BTBD9: variants seen among roughly 807,000 people sequenced by gnomAD.
BTBD9 encodes BTB/POZ domain-containing protein 9.
Under a neutral mutation model 64.3 loss-of-function variants are expected in BTBD9, and 49 were observed. The observed-to-expected ratio is 0.76, with a 90% CI of 0.61 to 0.97. The LOEUF (loss-of-function observed/expected upper bound fraction) is 0.97. Among genes scored for constraint, BTBD9 ranks in the 50% least tolerant of loss-of-function variants. The pLI is 0.00. For missense variants in BTBD9, 598 were observed against 762.1 expected, an observed-to-expected ratio of 0.78 and a Z score of 2.53; for synonymous variants, 260 against 274.7, an observed-to-expected ratio of 0.95 and a Z score of 0.53.
chr6:38,366,980 A>G (rs1317597723), intron 6 of BTBD9, among the ~76,000 whole-genome samples: 3 of 152,264 alleles, frequency 2.0e-5, no homozygotes, highest in African/African-American at 7.2e-5. Flanking sequence ...TTTAGTAATA[A>G]GACTTCAAGG....
intron 6 of BTBD9, among the ~76,000 whole-genome samples, chr6:38,515,470 A>G (rs1417704532): frequency 6.6e-6 from 1 of 152,176 alleles, no homozygotes; most frequent in East Asian, 1.9e-4. Context: ...CCAGTAAACT[A>G]ACACTATTTT....
chr6:38,244,490 C>T (rs1764113419), intron 9 of BTBD9, among the ~76,000 whole-genome samples: 1 of 151,654 alleles, frequency 6.6e-6, no homozygotes, highest in African/African-American at 2.4e-5. Context: ...TTTTTTTTAA[C>T]CTTTTACTCT....
intron 3 of BTBD9, 128 bp from the exon 4 acceptor site, chr6:38,592,968 G>T: frequency 1.1e-6 from 1 of 923,302 alleles, no homozygotes; most frequent in Non-Finnish European, 1.6e-6. Context: ...CTTCCCTTAT[G>T]CTTTGTGCCA....
chr6:38,460,559 A>G (rs899697687), intron 6 of BTBD9, among the ~76,000 whole-genome samples: 3 of 152,210 alleles, frequency 2.0e-5, no homozygotes, highest in Non-Finnish European at 4.4e-5. Flanking sequence ...TTCACATACC[A>G]TATAGACACT....
chr6:38,179,384 C>T (rs778485824), intron 10 of BTBD9: 76 of 454,984 alleles, frequency 1.7e-4, no homozygotes, highest in South Asian at 1.0e-3. Context: ...TAAAGGAGAG[C>T]GCCCACAATG....
intron 6 of BTBD9, among the ~76,000 whole-genome samples, chr6:38,533,750 C>CAAACACATGCAAATT (rs1773896661): frequency 6.6e-6 from 1 of 152,078 alleles, no homozygotes; most frequent in Non-Finnish European, 1.5e-5. Flanking sequence ...GAAAACTACA[C>CAAACACATGCAAATT]AAACACATGC....
intron 9 of BTBD9, among the ~76,000 whole-genome samples, chr6:38,206,035 A>T (rs937248467): frequency 3.3e-5 from 5 of 152,060 alleles, no homozygotes; most frequent in Non-Finnish European, 5.9e-5. Context: ...ACTAGTCCAG[A>T]CTGCAGAGGG....
intron 4 of BTBD9, among the ~76,000 whole-genome samples, chr6:38,586,051 A>C (rs191855066): frequency 1.6e-4 from 25 of 152,262 alleles, no homozygotes; most frequent in African/African-American, 5.5e-4. Context: ...TTCAATAAAG[A>C]TATCTTGAGG....
intron 6 of BTBD9, among the ~76,000 whole-genome samples, chr6:38,495,246 A>G (rs568123571): frequency 1.3e-5 from 2 of 152,320 alleles, no homozygotes; most frequent in Admixed American, 1.3e-4. Flanking sequence ...AATTGTTCCC[A>G]TCTCATGGGA....
At chr6:38,188,823 G>A (rs1054948390) in intron 10 of BTBD9, among the ~76,000 whole-genome samples, 3 of 152,140 alleles carry the variant, frequency 2.0e-5, no homozygotes, top group Admixed American at 6.5e-5. Flanking sequence ...GAGACTGAGC[G>A]CTCATGCCTG....
At chr6:38,403,302 T>C (rs150556787) in intron 6 of BTBD9, among the ~76,000 whole-genome samples, 2 of 152,212 alleles carry the variant, frequency 1.3e-5, no homozygotes, top group Non-Finnish European at 2.9e-5. Context: ...AAATCATATA[T>C]CTGATAGGGT....
At chr6:38,290,670 T>C (rs553412406) in intron 7 of BTBD9, among the ~76,000 whole-genome samples, 1 of 151,918 alleles carries the variant, frequency 6.6e-6, no homozygotes, top group Non-Finnish European at 1.5e-5. Flanking sequence ...GGGAAGAGAG[T>C]AAGCTGGGCA....
At chr6:38,362,265 G>C (rs1764991277) in intron 6 of BTBD9, among the ~76,000 whole-genome samples, 1 of 152,162 alleles carries the variant, frequency 6.6e-6, no homozygotes, top group African/African-American at 2.4e-5. Flanking sequence ...TTCTATTATG[G>C]TGTGTCTCAC....
chr6:38,303,866 TATATATATAC>T (rs199900352), intron 7 of BTBD9, among the ~76,000 whole-genome samples: 2,976 of 121,068 alleles, frequency 0.025, 90 homozygotes, highest in African/African-American at 0.09. Context: ...TATATATATA[TATATATATAC>T]ACACACACAC....
intron 6 of BTBD9, among the ~76,000 whole-genome samples, chr6:38,387,910 T>G (rs1199753594): frequency 1.3e-5 from 2 of 152,162 alleles, no homozygotes; most frequent in Non-Finnish European, 2.9e-5. Flanking sequence ...CCCGCTTCAT[T>G]AGCATTCTAT....
At chr6:38,201,731 G>T (rs1437910910) in intron 9 of BTBD9, among the ~76,000 whole-genome samples, 2 of 152,210 alleles carry the variant, frequency 1.3e-5, no homozygotes, top group Admixed American at 1.3e-4. Context: ...TTGATAAGCA[G>T]ATTCAGTAAA....
intron 6 of BTBD9, chr6:38,504,582 T>A (rs1389894376): frequency 2.2e-6 from 1 of 456,688 alleles, no homozygotes; most frequent in African/African-American, 2.0e-5. Flanking sequence ...AAATGTGGAT[T>A]TTTTTAGGCT....
At chr6:38,350,047 T>C (rs189329624) in intron 6 of BTBD9, among the ~76,000 whole-genome samples, 48 of 152,310 alleles carry the variant, frequency 3.2e-4, no homozygotes, top group African/African-American at 1.1e-3. Flanking sequence ...TGGCAGAGAA[T>C]GTGAAATCCA....
chr6:38,356,144 A>G (rs1044046543), intron 6 of BTBD9, among the ~76,000 whole-genome samples: 2 of 151,996 alleles, frequency 1.3e-5, no homozygotes, highest in Non-Finnish European at 2.9e-5. Context: ...GATTTTCTCT[A>G]CATCCCTTAT....
Sources: allele counts gnomAD v4.1 joint callset (sites outside exome capture counted in the v4.1 genomes callset), GRCh38; gene constraint gnomAD v4.1.1; transcripts MANE v1.5; gene names NCBI Gene and HGNC (gene_info 2026-07-23, HGNC 2026-07-21).